Variants in CDH2 observed in about 807,000 individuals in gnomAD.
The protein encoded by CDH2 is cadherin 2.
In CDH2, 17 loss-of-function variants were observed where a neutral mutation model predicts 92.0. That is an observed-to-expected ratio of 0.18 (90% confidence interval 0.13 to 0.28). The LOEUF (loss-of-function observed/expected upper bound fraction) is 0.28, where lower values mean the gene tolerates loss of function less well. CDH2 is among the 10% of genes least tolerant of loss of function. The probability of loss-of-function intolerance (pLI) is 1.00; values close to 1 mark genes in which losing one functional copy is unlikely to be tolerated. For missense variants in CDH2, 862 were observed against 1,133.1 expected (o/e 0.76, Z 3.44); for synonymous variants, 419 against 415.9 (o/e 1.01, Z -0.09).
chr18:28,126,523 A>T (rs1353266018), intron 2 of CDH2, among the ~76,000 whole-genome samples: 2 of 152,180 alleles, frequency 1.3e-5, no homozygotes, highest in African/African-American at 4.8e-5. Context: ...TAAGTAATAC[A>T]TCTAAAACCC....
rs370131183 is a variant in CDH2 at position 28,131,337 on chromosome 18, T to C, written c.172+16336A>G. On this transcript the variant is annotated intron_variant, in intron 2 of 15. Coordinates refer to ENST00000269141, the MANE Select transcript of CDH2 (RefSeq NM_001792.5). ...AATAATCTAACACTCTGAGTAATTG[T>C]TATACCCCAACTTTGTGGGAAAAAG... Among the ~76,000 whole-genome samples, 9 of 152,306 alleles carry C rather than the reference T, an allele frequency of 5.9e-5. No individual in the cohort carries two copies. In the South Asian group the frequency reaches 1.0e-3, roughly 18 times the overall value.
chr18:28,076,761 A>C (rs1461502133), intron 2 of CDH2, among the ~76,000 whole-genome samples: 1 of 144,436 alleles, frequency 6.9e-6, no homozygotes, highest in African/African-American at 2.6e-5. Context: ...TCACTGTTCA[A>C]TTGAACAATG....
At chr18:28,171,450 T>C (rs1181375945) in intron 1 of CDH2, among the ~76,000 whole-genome samples, 1 of 152,088 alleles carries the variant, frequency 6.6e-6, no homozygotes, top group Non-Finnish European at 1.5e-5. Flanking sequence ...ATAATTTTTA[T>C]TCTCAGTAAT....
chr18:28,147,072 T>C (rs1273390457), intron 2 of CDH2, among the ~76,000 whole-genome samples: 1 of 152,096 alleles, frequency 6.6e-6, no homozygotes, highest in Non-Finnish European at 1.5e-5. Flanking sequence ...TATAATGAAC[T>C]TGATCCATAT....
At chr18:28,106,446 C>G (rs1468312069) in intron 2 of CDH2, among the ~76,000 whole-genome samples, 1 of 147,970 alleles carries the variant, frequency 6.8e-6, no homozygotes, top group East Asian at 2.0e-4. Flanking sequence ...AGTGTTATAT[C>G]TATGTTATGG....
intron 6 of CDH2, among the ~76,000 whole-genome samples, chr18:27,939,426 C>T (rs1329673498): frequency 6.6e-6 from 1 of 152,174 alleles, no homozygotes; most frequent in Non-Finnish European, 1.5e-5. Context: ...ACCCCCAAAA[C>T]CTCCTACGTG....
chr18:27,964,437 T>G lies in CDH2; in HGVS notation c.2350-916A>C, dbSNP rs536631777. ...AAATAGTTGGTAGTATTCAAACCTC[T>G]GAATTCTGGTGATACAAAATATCAT... On this transcript the variant is annotated intron_variant, in intron 14 of 15. Transcript: ENST00000269141. Among the ~76,000 whole-genome samples the G allele has an allele frequency of 3.2e-4, 48 of 152,338 alleles. 1 individual carries two copies. Among genetic ancestry groups the G allele is most frequent in the African/African-American group, 1.1e-3 (47 of 41,584 alleles).
intron 5 of CDH2, among the ~76,000 whole-genome samples, chr18:28,008,610 G>A (rs1039145954): frequency 1.3e-5 from 2 of 152,102 alleles, no homozygotes; most frequent in Admixed American, 6.5e-5. Flanking sequence ...TGGGATGAGG[G>A]GGGAAGGATA....
chr18:27,969,940 C>T (rs968124536), intron 14 of CDH2, among the ~76,000 whole-genome samples: 3 of 152,120 alleles, frequency 2.0e-5, no homozygotes, highest in Non-Finnish European at 4.4e-5. Flanking sequence ...GCAGAGGTTG[C>T]AGTGAGCCAA....
intron 1 of CDH2, among the ~76,000 whole-genome samples, chr18:28,161,300 C>T (rs577590318): frequency 6.6e-6 from 1 of 152,236 alleles, no homozygotes; most frequent in South Asian, 2.1e-4. Context: ...GTAAAGCTGG[C>T]CGGGCACAGT....
rs1449176196 is a variant in CDH2 at position 28,165,822 on chromosome 18, G to T, written c.60+11141C>A. ...AACCTTAAGAGAAAAGAAAGAAAAAGATTTAGAAATCTACAGAAATGATGT... is the reference window on the plus strand; with the variant it reads ...AACCTTAAGAGAAAAGAAAGAAAAATATTTAGAAATCTACAGAAATGATGT... On this transcript the variant is annotated intron_variant, in intron 1 of 15. Transcript: ENST00000269141. Among the ~76,000 whole-genome samples, 7 of 151,162 alleles carry T rather than the reference G, an allele frequency of 4.6e-5. No individual in the cohort carries two copies. The East Asian group carries it at 1.2e-3, about 25-fold the overall frequency.
chr18:28,121,035 C>T (rs368397851), intron 2 of CDH2, among the ~76,000 whole-genome samples: 21 of 152,210 alleles, frequency 1.4e-4, no homozygotes, highest in African/African-American at 4.6e-4. Context: ...TCCATGGAAA[C>T]CACAGTGAAA....
chr18:28,013,358 C>G (rs1385446921), intron 3 of CDH2, among the ~76,000 whole-genome samples: 1 of 152,116 alleles, frequency 6.6e-6, no homozygotes, highest in Non-Finnish European at 1.5e-5. Context: ...CTGATGACAT[C>G]TTGTAAAGAA....
chr18:27,961,184 T>A (rs1265241090), intron 15 of CDH2, among the ~76,000 whole-genome samples: 1 of 151,838 alleles, frequency 6.6e-6, no homozygotes, highest in East Asian at 1.9e-4. Context: ...AAGTGGGTGG[T>A]GCCCAATAGC....
intron 1 of CDH2, among the ~76,000 whole-genome samples, chr18:28,175,929 GTCCCGGCCGAGGCTGTGTGAAGTGGCC>G (rs2016533040): frequency 6.6e-6 from 1 of 152,184 alleles, no homozygotes; most frequent in African/African-American, 2.4e-5. Context: ...CAGCTAGAGG[GTCCCGGCCGAGGCTGTGTGAAGTGGCC>G]TCCAGGCCTG....
chr18:28,173,775 A>C (rs545446646), intron 1 of CDH2, among the ~76,000 whole-genome samples: 2 of 152,292 alleles, frequency 1.3e-5, no homozygotes, highest in East Asian at 3.9e-4. Context: ...ACAGGTTTCT[A>C]ATATATTAAT....
intron 15 of CDH2, chr18:27,954,518 G>A (rs1909615435): frequency 1.3e-5 from 2 of 152,298 alleles, no homozygotes; most frequent in Non-Finnish European, 2.9e-5. Flanking sequence ...CCTCTGCCAG[G>A]AGAATGGCCT....
At chr18:28,137,274 T>A (rs11564337) in intron 2 of CDH2, among the ~76,000 whole-genome samples, 36,215 of 151,990 alleles carry the variant, frequency 0.24, 4,549 homozygotes, top group Middle Eastern at 0.37. Context: ...CAAAAGTGGC[T>A]GGGGCTCTTA....
At position 28,029,214 on chromosome 18, in the gene CDH2, A is replaced by T. The variant is rs78909862; in HGVS notation, c.173-15305T>A. Reference sequence around the variant, plus strand: ...AGGTCTAACATACAGAGCCACAAAGAAAACAAGCACAAGTAGTATATGGCA... The same window carrying T: ...AGGTCTAACATACAGAGCCACAAAGTAAACAAGCACAAGTAGTATATGGCA... On this transcript the variant is annotated intron_variant, in intron 2 of 15. Transcript: ENST00000269141. Among the ~76,000 whole-genome samples the T allele has an allele frequency of 7.4e-4, 112 of 152,272 alleles. 2 individuals carry two copies. The East Asian group carries it at 0.021, about 29-fold the overall frequency.
Sources: gnomAD v4.1 joint callset for allele counts (sites outside exome capture counted in the v4.1 genomes callset) on GRCh38, gnomAD v4.1.1 for gene constraint, MANE v1.5 for transcripts, NCBI Gene and HGNC (gene_info 2026-07-23, HGNC 2026-07-21) for gene names.